Variants in UTP14A observed in about 807,000 individuals in gnomAD.
UTP14A encodes UTP14A small subunit processome component.
A neutral mutation model predicts 57.2 loss-of-function variants in UTP14A; 5 were observed. The observed-to-expected ratio is 0.09, with a 90% CI of 0.05 to 0.18. UTP14A has a LOEUF of 0.18. Ranked by LOEUF, UTP14A falls within the 10% of genes least tolerant of loss-of-function variation. The pLI is 1.00. For missense variants in UTP14A, 430 were observed against 562.1 expected (o/e 0.76, Z 2.38); for synonymous variants, 169 against 210.9 (o/e 0.80, Z 1.72).
At chrX:129,911,971 T>C (rs1929489273) in intron 6 of UTP14A, 50 bp downstream of exon 6, 1 of 1,179,981 alleles carries the variant, frequency 8.5e-7, no homozygotes, top group South Asian at 1.8e-5. Context: ...AAGTTGGAGA[T>C]TTCAGAGCCT....
At chrX:129,909,322 T>G (rs1279091838) in intron 4 of UTP14A, among the ~76,000 whole-genome samples, 3 of 108,448 alleles carry the variant, frequency 2.8e-5, no homozygotes, top group Admixed American at 9.9e-5. Context: ...CCATTCTCCT[T>G]CCTCAGCCTC....
At chrX:129,924,696 A>G in intron 11 of UTP14A, 99 bp from the exon 12 acceptor site, 7 of 1,014,622 alleles carry the variant, frequency 6.9e-6, no homozygotes, top group Non-Finnish European at 9.4e-6. Flanking sequence ...ATAATGTCTT[A>G]TGTGGTACCT....
At chrX:129,920,353 T>G in intron 8 of UTP14A, 104 bp from the exon 9 acceptor site, 1 of 1,129,641 alleles carries the variant, frequency 8.9e-7, no homozygotes, top group African/African-American at 1.8e-5. Flanking sequence ...ATGATGCCCA[T>G]TCCAGCCCCC....
At chrX:129,911,649 T>C in intron 5 of UTP14A, 117 bp from the exon 6 acceptor site, 1 of 890,316 alleles carries the variant, frequency 1.1e-6, no homozygotes, top group Non-Finnish European at 1.6e-6. Context: ...ATCCTGATTC[T>C]AGCATCCTGA....
At chrX:129,912,324 T>C (rs1403098782) in intron 6 of UTP14A, among the ~76,000 whole-genome samples, 2 of 108,893 alleles carry the variant, frequency 1.8e-5, no homozygotes, top group Non-Finnish European at 3.8e-5. Context: ...TTTCACCATG[T>C]TGGCCAGGCT....
At chrX:129,914,363 G>A (rs1204858270) in intron 6 of UTP14A, among the ~76,000 whole-genome samples, 1 of 111,111 alleles carries the variant, frequency 9.0e-6, no homozygotes, top group Non-Finnish European at 1.9e-5. Context: ...GATCACCTGA[G>A]GTCAGGAGTT....
rs1462744099 is a variant in UTP14A, at chrX:129,925,814, C to T, written c.1750-105C>T. On this transcript the variant is annotated intron_variant, in intron 12 of 14. Coordinates refer to ENST00000394422, the MANE Select transcript of UTP14A (RefSeq NM_006649.4). ...ATCGCAAGACCATCATTGTTCAGCA[C>T]TTCCCCCTAGGGGGCGCTAAAATGT... The T allele has an allele frequency of 3.0e-6, 3 of 996,901 alleles. No individual in the cohort carries two copies. The African/African-American group carries it at 5.7e-5, about 19-fold the overall frequency. 82.2% of individuals were successfully genotyped at this position (996,901 alleles called of 1,213,427 possible).
At chrX:129,921,149 C>T (rs766936510) in intron 10 of UTP14A, 45 bp from the exon 11 acceptor site, 5 of 1,162,254 alleles carry the variant, frequency 4.3e-6, no homozygotes, top group Non-Finnish European at 5.7e-6. Context: ...GGTGTTATTG[C>T]GGTCACTAAT....
intron 11 of UTP14A, chrX:129,921,853 C>T (rs1355393451): frequency 3.1e-6 from 1 of 324,446 alleles, no homozygotes. Context: ...TTCAGAAACC[C>T]ATAATAACTA....
chrX:129,921,106 A>G, intron 10 of UTP14A, 88 bp from the exon 11 acceptor site: 1 of 1,138,585 alleles, frequency 8.8e-7, no homozygotes, highest in Non-Finnish European at 1.2e-6. Flanking sequence ...AGTCAAATTG[A>G]GAGGAGGCAG....
rs533126031 is a variant in UTP14A, at chrX:129,921,079, G to A, written c.955-115G>A. The A allele has an allele frequency of 9.7e-5, 109 of 1,122,000 alleles. No homozygotes were observed. In the African/African-American group the frequency reaches 1.6e-3, roughly 16 times the overall value. 92.5% of individuals were successfully genotyped at this position (1,122,000 alleles called of 1,213,427 possible). ...TATGCAGTTTAAACAGTAGGTACCA[G>A]TAAGAAATACTCACCAAGTCAAATT... is the stretch of plus-strand genomic sequence containing the variant. On this transcript the variant is annotated intron_variant, in intron 10 of 14. Coordinates refer to ENST00000394422, the MANE Select transcript of UTP14A (RefSeq NM_006649.4).
chrX:129,913,737 T>C (rs1487374305), intron 6 of UTP14A, among the ~76,000 whole-genome samples: 2 of 111,879 alleles, frequency 1.8e-5, no homozygotes, highest in Admixed American at 1.9e-4. Context: ...TCCCAGCACT[T>C]TGGGAGGCCG....
chrX:129,917,245 T>C (rs138974410), intron 6 of UTP14A, among the ~76,000 whole-genome samples: 40 of 112,581 alleles, frequency 3.6e-4, no homozygotes, highest in Middle Eastern at 4.6e-3. Context: ...GATTGATCAC[T>C]ACTGCAAATA....
intron 6 of UTP14A, among the ~76,000 whole-genome samples, chrX:129,918,630 C>A (rs7877963): frequency 0.2 from 22,205 of 110,519 alleles, 2,455 homozygotes; most frequent in African/African-American, 0.42. Context: ...GTAATCCCAG[C>A]ACTTTGGGAG....
chrX:129,909,206 CTTTTTTTTTTT>C (rs753147882), intron 4 of UTP14A, among the ~76,000 whole-genome samples: 2 of 84,435 alleles, frequency 2.4e-5, no homozygotes, highest in African/African-American at 9.0e-5. Flanking sequence ...CCTTTCAAGC[CTTTTTTTTTTT>C]TTTTTTTTTT....
Position 129,925,930 on chromosome X carries a change from G to A in UTP14A, c.1761G>A (p.Glu587=), listed in dbSNP as rs1930089421. Residue 587 remains glutamate, a synonymous_variant, in exon 13 of 15, where the codon GAG becomes GAA. Transcript: ENST00000394422. ...TTGTTTCTTCCCAGGAAGATGAAGAGGAGAGAAACCATAGGCAGATGATAA... is the reference window on the plus strand; with the variant it reads ...TTGTTTCTTCCCAGGAAGATGAAGAAGAGAGAAACCATAGGCAGATGATAA... ...VPTIEELEDE[E]ERNHRQMIKE... The A allele has an allele frequency of 8.3e-7, 1 of 1,211,051 alleles. No individual in the cohort carries two copies. Among genetic ancestry groups the A allele is most frequent in the African/African-American group, 1.7e-5 (1 of 57,884 alleles).
chrX:129,916,012 G>GGC, intron 6 of UTP14A, among the ~76,000 whole-genome samples: 1 of 98,995 alleles, frequency 1.0e-5, no homozygotes, highest in East Asian at 3.1e-4. Context: ...GGAGTGCAGT[G>GGC]GTGCAATCTC....
At position 129,907,375 on chromosome X, in the gene UTP14A, C is replaced by T; in HGVS notation, c.35C>T (p.Ala12Val). The T allele has an allele frequency of 8.3e-7, 1 of 1,208,597 alleles. No individual in the cohort carries two copies. The highest frequency in any genetic ancestry group is 1.1e-6 in the Non-Finnish European group (1 of 894,432). ...GTTGCCTCTTTTAACAGCCTTCTGG[C>T]TTTGAGCCAACAGGAAGAACTAGCG... Reference protein sequence around the residue: ...TANRLAESLLALSQQEELADL... With the variant: ...TANRLAESLLVLSQQEELADL... Residue 12 changes from alanine (A) to valine (V), a missense_variant, in exon 2 of 15, where the codon GCT (alanine) becomes GTT (valine). This residue lies in a region of UTP14A where 145 missense variants were observed against 153.5 expected (regional missense o/e 0.94). Transcript: ENST00000394422.
Position 129,911,134 on chromosome X carries a change from A to G in UTP14A, c.365A>G (p.Lys122Arg). ...AAGACAGTGGAGTTACCTCTGAACAAAGAAGAGATTGAACGGGTAAGCTAC... is the reference window on the plus strand; with the variant it reads ...AAGACAGTGGAGTTACCTCTGAACAGAGAAGAGATTGAACGGGTAAGCTAC... ...SKKTVELPLNKEEIERIHREV... is the reference protein window; with the variant it reads ...SKKTVELPLNREEIERIHREV... The change falls in exon 5 of 15, where the codon AAA becomes AGA. Residue 122 changes from lysine (K) to arginine (R), a missense_variant. Physicochemically the swap from Lys to Arg is conservative, Grantham distance 26 (BLOSUM62 2). Around this residue, in one of 4 missense-constraint regions of UTP14A, gnomAD observed 145 missense variants for 153.5 expected, o/e 0.94. Transcript: ENST00000394422. 1 of 1,209,587 alleles carries G rather than the reference A, an allele frequency of 8.3e-7. No individual in the cohort carries two copies. The highest frequency in any genetic ancestry group is 1.1e-6 in the Non-Finnish European group (1 of 894,707).
Sources: allele counts gnomAD v4.1 joint callset (sites outside exome capture counted in the v4.1 genomes callset), GRCh38; gene constraint gnomAD v4.1.1; regional missense constraint gnomAD v4.1.1; transcripts MANE v1.5; gene names NCBI Gene and HGNC (gene_info 2026-07-23, HGNC 2026-07-21).